The following NKAIN3 variants were observed in gnomAD, a reference collection of about 807,000 sequenced individuals.
The protein encoded by NKAIN3 is sodium/potassium transporting ATPase interacting 3, also known as sodium/potassium-transporting ATPase subunit beta-1-interacting protein 3.
Under a neutral mutation model 30.2 loss-of-function variants are expected in NKAIN3, and 25 were observed. The observed-to-expected ratio is 0.83, with a 90% CI of 0.60 to 1.16. The LOEUF is 1.16. Ranked by LOEUF, NKAIN3 falls within the 50% of genes most tolerant of loss-of-function variation. NKAIN3 has a pLI of 0.00. For missense variants in NKAIN3, 225 were observed against 254.1 expected, an observed-to-expected ratio of 0.89 and a Z score of 0.78; for synonymous variants, 91 against 89.6, an observed-to-expected ratio of 1.02 and a Z score of -0.09.
At chr8:62,725,452 A>G (rs911198774) in intron 3 of NKAIN3, among the ~76,000 whole-genome samples, 9 of 152,066 alleles carry the variant, frequency 5.9e-5, no homozygotes, top group Non-Finnish European at 1.3e-4. Context: ...TTGCCCACCC[A>G]AACATCCTAA....
intron 1 of NKAIN3, among the ~76,000 whole-genome samples, chr8:62,429,685 T>C (rs1438976038): frequency 6.6e-6 from 1 of 151,864 alleles, no homozygotes; most frequent in East Asian, 1.9e-4. Flanking sequence ...TTCTGCCACT[T>C]TTGTCTAATA....
Position 62,549,288 on chromosome 8 carries a change from T to C in NKAIN3, c.55-30251T>C. ...TATTAAACGAAGTATAGCAAAACGC[T>C]CACATCTTTAAATCCAATTGTTTTC... is the stretch of plus-strand genomic sequence containing the variant. On this transcript the variant is annotated intron_variant, in intron 1 of 6. Coordinates refer to ENST00000623646, the MANE Select transcript of NKAIN3 (RefSeq NM_001304533.3). 1.3e-5 allele frequency among the ~76,000 whole-genome samples: 2 copies of C among 152,162 alleles called. 1 individual carries two copies. Among genetic ancestry groups the C allele is most frequent in the Non-Finnish European group, 2.9e-5 (2 of 68,024 alleles).
intron 3 of NKAIN3, among the ~76,000 whole-genome samples, chr8:62,596,874 G>C (rs1005267468): frequency 1.3e-5 from 2 of 152,052 alleles, no homozygotes; most frequent in Non-Finnish European, 2.9e-5. Flanking sequence ...ATGTGACTGG[G>C]TTAAGAGTTG....
At chr8:62,318,098 G>C (rs906885108) in intron 1 of NKAIN3, among the ~76,000 whole-genome samples, 2 of 152,154 alleles carry the variant, frequency 1.3e-5, no homozygotes, top group Non-Finnish European at 2.9e-5. Context: ...GGGTGTATAA[G>C]AATGCTTGTG....
intron 6 of NKAIN3, among the ~76,000 whole-genome samples, chr8:62,957,612 G>T (rs1428783721): frequency 6.6e-6 from 1 of 152,192 alleles, no homozygotes; most frequent in Non-Finnish European, 1.5e-5. Context: ...AATGAAGGAA[G>T]TCAAACTGAA....
chr8:62,680,829 T>A lies in NKAIN3; in HGVS notation c.274-66103T>A, dbSNP rs567980041. ...ACTCAGTTATATAAATTTTCCTTGC[T>A]GATTTTTATTTAATTGTAACCAATT... is the stretch of plus-strand genomic sequence containing the variant. On this transcript the variant is annotated intron_variant, in intron 3 of 6. Coordinates refer to ENST00000623646, the MANE Select transcript of NKAIN3 (RefSeq NM_001304533.3). Among the ~76,000 whole-genome samples, 4 of 152,344 alleles carry A rather than the reference T, an allele frequency of 2.6e-5. No homozygotes were observed. The South Asian group carries it at 8.3e-4, about 32-fold the overall frequency.
intron 3 of NKAIN3, among the ~76,000 whole-genome samples, chr8:62,725,919 A>G (rs1815242936): frequency 6.6e-6 from 1 of 152,138 alleles, no homozygotes; most frequent in African/African-American, 2.4e-5. Context: ...TTGAATATGT[A>G]GATTGCTTTG....
At chr8:62,744,271 T>C (rs1396669138) in intron 3 of NKAIN3, among the ~76,000 whole-genome samples, 1 of 152,236 alleles carries the variant, frequency 6.6e-6, no homozygotes, top group Non-Finnish European at 1.5e-5. Context: ...AGTTTAAGTA[T>C]AATTTAATGT....
chr8:62,921,662 AG>A (rs1395403196), intron 5 of NKAIN3, among the ~76,000 whole-genome samples: 1 of 152,162 alleles, frequency 6.6e-6, no homozygotes, highest in Non-Finnish European at 1.5e-5. Flanking sequence ...CTAATGAAAA[AG>A]CTTAGTTATA....
intron 4 of NKAIN3, among the ~76,000 whole-genome samples, chr8:62,884,737 A>C (rs945245174): frequency 1.3e-5 from 2 of 152,004 alleles, no homozygotes; most frequent in Non-Finnish European, 2.9e-5. Context: ...CTTTCAAGGA[A>C]TTGATCTGGT....
Position 62,974,921 on chromosome 8 carries a change from T to C in NKAIN3, c.*9514T>C, listed in dbSNP as rs2883148. 0.11 allele frequency among the ~76,000 whole-genome samples: 16,279 copies of C among 152,244 alleles called. 918 individuals are homozygous for C. The highest frequency in any genetic ancestry group is 0.17 in the South Asian group (823 of 4,820). On this transcript the variant is annotated 3_prime_UTR_variant, in exon 7 of 7. Transcript: ENST00000623646. Reference sequence around the variant, plus strand: ...TTTTCCGCATCTATTGAGATAATCATGTGGTTTTTGTCATTGGTTCTGTTT... The same window carrying C: ...TTTTCCGCATCTATTGAGATAATCACGTGGTTTTTGTCATTGGTTCTGTTT...
chr8:62,723,085 C>G lies in NKAIN3; in HGVS notation c.274-23847C>G, dbSNP rs1815141742. Among the ~76,000 whole-genome samples, 3 of 152,068 alleles carry G rather than the reference C, an allele frequency of 2.0e-5. No individual in the cohort carries two copies. In the South Asian group the frequency reaches 6.2e-4, roughly 32 times the overall value. The stretch of plus-strand genomic sequence containing the variant: ...AAAATGTCTTATTTTGCAGAGGATT[C>G]AAAACCAATCAGCTGCCGCATCCAT... On this transcript the variant is annotated intron_variant, in intron 3 of 6. Coordinates refer to ENST00000623646, the MANE Select transcript of NKAIN3 (RefSeq NM_001304533.3).
chr8:62,755,800 G>A (rs894412882), intron 4 of NKAIN3, among the ~76,000 whole-genome samples: 1 of 152,072 alleles, frequency 6.6e-6, no homozygotes, highest in African/African-American at 2.4e-5. Flanking sequence ...GAAAAGTAAA[G>A]CAACAGTTTA....
At chr8:62,395,254 C>T (rs912535494) in intron 1 of NKAIN3, among the ~76,000 whole-genome samples, 5 of 147,532 alleles carry the variant, frequency 3.4e-5, no homozygotes, top group Non-Finnish European at 6.0e-5. Flanking sequence ...CAGGCAGAGG[C>T]GCTCCTCACT....
intron 1 of NKAIN3, chr8:62,483,940 G>T: frequency 6.4e-6 from 1 of 156,412 alleles, no homozygotes; most frequent in Non-Finnish European, 1.4e-5. Flanking sequence ...CTCAACACTG[G>T]CCCCCTGGAT....
At chr8:62,282,914 A>G (rs1425992112) in intron 1 of NKAIN3, among the ~76,000 whole-genome samples, 1 of 152,110 alleles carries the variant, frequency 6.6e-6, no homozygotes, top group Non-Finnish European at 1.5e-5. Flanking sequence ...ACTATGTAAC[A>G]CTAGATGCGC....
chr8:62,389,751 C>T (rs1817534620), intron 1 of NKAIN3, among the ~76,000 whole-genome samples: 1 of 152,106 alleles, frequency 6.6e-6, no homozygotes, highest in Admixed American at 6.5e-5. Flanking sequence ...ATGTGGCTTC[C>T]TGATACAGTT....
chr8:62,447,354 CT>C (rs1471422772), intron 1 of NKAIN3, among the ~76,000 whole-genome samples: 1 of 152,018 alleles, frequency 6.6e-6, no homozygotes, highest in East Asian at 1.9e-4. Context: ...TTTTAAACCT[CT>C]GGGATTCCAT....
chr8:62,892,933 A>C (rs28506994), intron 4 of NKAIN3, among the ~76,000 whole-genome samples: 26,487 of 152,168 alleles, frequency 0.17, 3,352 homozygotes, highest in African/African-American at 0.35. Context: ...AAATAAAGGG[A>C]TGGGGAGGGA....
Sources: allele counts gnomAD v4.1 joint callset (sites outside exome capture counted in the v4.1 genomes callset), GRCh38; gene constraint gnomAD v4.1.1; transcripts MANE v1.5; gene names NCBI Gene and HGNC (gene_info 2026-07-23, HGNC 2026-07-21).